SZT2: variants seen among roughly 807,000 people sequenced by gnomAD.
SZT2 encodes the protein KICSTOR complex protein SZT2.
Under a neutral mutation model 404.2 loss-of-function variants are expected in SZT2, and 216 were observed. The ratio of observed to expected loss-of-function variants is 0.53; its 90% confidence interval spans 0.48 to 0.60. SZT2 has a LOEUF of 0.60. Among genes scored for constraint, SZT2 ranks in the 20% least tolerant of loss-of-function variants. The pLI is 0.00. For missense variants in SZT2, 3,857 were observed against 4,459.2 expected, an observed-to-expected ratio of 0.86 and a Z score of 3.85; for synonymous variants, 1,693 against 1,749.9, an observed-to-expected ratio of 0.97 and a Z score of 0.81.
At position 43,424,524 on chromosome 1, in the gene SZT2, C is replaced by T. The variant is rs1394995256; in HGVS notation, c.2471+92C>T. 2 of 1,294,578 alleles carry T rather than the reference C, an allele frequency of 1.5e-6. No homozygotes were observed. The highest frequency in any genetic ancestry group is 2.2e-6 in the Non-Finnish European group (2 of 925,004). The allele number at this position is 1,294,578 out of a possible 1,614,324, so 80.2% of individuals were successfully genotyped here. On this transcript the variant is annotated intron_variant, in intron 16 of 71. Coordinates refer to ENST00000634258, the MANE Select transcript of SZT2 (RefSeq NM_001365999.1). This position sits in a 1 kb window ranked among gnomAD's most constrained non-coding sequence, Gnocchi z 4.1. The stretch of plus-strand genomic sequence containing the variant: ...CAAAAAGCCTATAGCACACACTTCT[C>T]CTCTCTAATTCCCAGTCTGAAGTAT...
At position 43,442,805 on chromosome 1, in the gene SZT2, G is replaced by A; in HGVS notation, c.8152-14G>A. On this transcript the variant is annotated splice_polypyrimidine_tract_variant and intron_variant, in intron 58 of 71. Transcript: ENST00000634258. The surrounding 1 kb of genome is among the most constrained non-coding windows in gnomAD (Gnocchi z 4.5). Reference sequence around the variant, plus strand: ...GCAAAGGCTATGAACCCATTGCAATGCTCCATCTCTCAGGAGCCAAACCCA... The same window carrying A: ...GCAAAGGCTATGAACCCATTGCAATACTCCATCTCTCAGGAGCCAAACCCA... 4 of 1,586,434 alleles carry A rather than the reference G, an allele frequency of 2.5e-6. No homozygotes were observed. Among genetic ancestry groups the A allele is most frequent in the Non-Finnish European group, 3.4e-6 (4 of 1,165,720 alleles).
chr1:43,445,977 G>C lies in SZT2; in HGVS notation c.8909G>C (p.Ser2970Thr), dbSNP rs1655616131. The change falls in exon 63 of 72, where the codon AGC becomes ACC. Residue 2970 changes from serine (S) to threonine (T), a missense_variant. Physicochemically the swap from Ser to Thr is moderately conservative, Grantham distance 58 (BLOSUM62 1). Around this residue, in one of 7 missense-constraint regions of SZT2, gnomAD observed 717 missense variants for 868.2 expected, o/e 0.83. Transcript: ENST00000634258. ...TGCCCTAAAACCAAGACTGATGGGAGCCCCAAGGTAACTTGTCATATAATG... is the reference window on the plus strand; with the variant it reads ...TGCCCTAAAACCAAGACTGATGGGACCCCCAAGGTAACTTGTCATATAATG... ...FSCPKTKTDG[S>T]PKSTSSPVTT... is the part of the protein sequence containing the mutation. 6.2e-7 allele frequency: 1 copy of C among 1,613,960 alleles called. No individual in the cohort carries two copies. Among genetic ancestry groups the C allele is most frequent in the East Asian group, 2.2e-5 (1 of 44,882 alleles).
chr1:43,432,627 G>T (rs749403870), intron 38 of SZT2, 23 bp downstream of exon 38: 2 of 1,613,708 alleles, frequency 1.2e-6, no homozygotes, highest in South Asian at 2.2e-5. Flanking sequence ...TTGGGCAGCA[G>T]TCTGGAGGCC....
chr1:43,429,522 T>G, intron 28 of SZT2, 181 bp from the exon 29 acceptor site: 1 of 639,026 alleles, frequency 1.6e-6, no homozygotes, highest in Non-Finnish European at 2.7e-6. Context: ...AAAAGAAATA[T>G]GGAGGTTAAA....
chr1:43,425,666 C>CTTGGATTGTGAGA lies in SZT2; in HGVS notation c.2814+24_2814+25insTTGGATTGTGAGA. 6.2e-7 allele frequency: 1 copy of CTTGGATTGTGAGA among 1,611,734 alleles called. No homozygotes were observed. The highest frequency in any genetic ancestry group is 1.1e-5 in the South Asian group (1 of 91,008). On this transcript the variant is annotated intron_variant, in intron 19 of 71. Transcript: ENST00000634258. This position sits in a 1 kb window ranked among gnomAD's most constrained non-coding sequence, Gnocchi z 4.3. ...CTGTGAGTGTCCTCAGAACAGTACC[C>CTTGGATTGTGAGA]GCACCTCTCTCACTGGATTGGGGTG...
At chr1:43,418,760 A>C (rs150377827) in intron 7 of SZT2, among the ~76,000 whole-genome samples, 11 of 152,328 alleles carry the variant, frequency 7.2e-5, no homozygotes, top group African/African-American at 2.4e-4. Flanking sequence ...AGCTGGGTCG[A>C]GAAAGGAGGG....
chr1:43,443,619 G>C lies in SZT2; in HGVS notation c.8648G>C (p.Gly2883Ala), dbSNP rs1309850152. ...TAGCGGCGCCATCGCCCTGAGTCAG[G>C]GTCTGGGAGCCGAGAGGCCCCCACA... ...DGQRRHRPES[G>A]SGSREAPTSC... The change falls in exon 62 of 72, where the codon GGG (glycine) becomes GCG (alanine). Residue 2883 changes from glycine to alanine, a missense_variant. Physicochemically the swap from Gly to Ala is moderately conservative, Grantham distance 60. Coordinates refer to ENST00000634258, the MANE Select transcript of SZT2 (RefSeq NM_001365999.1). 1.2e-6 allele frequency: 2 copies of C among 1,614,172 alleles called. No homozygotes were observed. The highest frequency in any genetic ancestry group is 1.7e-6 in the Non-Finnish European group (2 of 1,180,038).
At position 43,453,829 on chromosome 1, in the gene SZT2, T is replaced by C; in HGVS notation, c.*3349T>C. 2.5e-6 allele frequency: 3 copies of C among 1,209,652 alleles called. No individual in the cohort carries two copies. Among genetic ancestry groups the C allele is most frequent in the Non-Finnish European group, 3.1e-6 (3 of 975,574 alleles). The allele number at this position is 1,209,652 out of a possible 1,614,324, so 74.9% of individuals were successfully genotyped here. ...GCCGGGCCGGGCGGAGTCCGCGGGA[T>C]CCAAAGGCGGCGGGCGGCGGGCGGC... On this transcript the variant is annotated 3_prime_UTR_variant, in exon 72 of 72. Transcript: ENST00000634258.
chr1:43,438,937 G>A lies in SZT2; in HGVS notation c.6636G>A (p.Gln2212=). The change falls in exon 48 of 72, where the codon CAG becomes CAA. Residue 2212 remains glutamine (Q), a synonymous_variant. Coordinates refer to ENST00000634258, the MANE Select transcript of SZT2 (RefSeq NM_001365999.1). The part of the protein sequence containing the change: ...KLTPADVEFI[Q]PPGSLPSEVL... Reference sequence around the variant, plus strand: ...TTCTTCCCACTCTGCAGTTCATCCAGCCCCCTGGAAGTCTCCCCTCAGAGG... The same window carrying A: ...TTCTTCCCACTCTGCAGTTCATCCAACCCCCTGGAAGTCTCCCCTCAGAGG... The A allele has an allele frequency of 3.1e-6, 5 of 1,614,122 alleles. No homozygotes were observed. The highest frequency in any genetic ancestry group is 4.2e-6 in the Non-Finnish European group (5 of 1,180,018).
In SZT2 at chr1:43,447,977, C is replaced by T; in HGVS notation, c.9563+6C>T. 1.2e-6 allele frequency: 2 copies of T among 1,613,890 alleles called. No individual in the cohort carries two copies. The highest frequency in any genetic ancestry group is 1.7e-6 in the Non-Finnish European group (2 of 1,179,986). On this transcript the variant is annotated splice_donor_region_variant and intron_variant, in intron 68 of 71. Coordinates refer to ENST00000634258, the MANE Select transcript of SZT2 (RefSeq NM_001365999.1). ...GCTGAGCGGCACGTTCTGCGGTCAGCAGATCCCCTACCTTGAACATGCCCA... is the reference window on the plus strand; with the variant it reads ...GCTGAGCGGCACGTTCTGCGGTCAGTAGATCCCCTACCTTGAACATGCCCA...
intron 1 of SZT2, among the ~76,000 whole-genome samples, chr1:43,394,705 C>G (rs377247075): frequency 5.3e-4 from 81 of 152,000 alleles, no homozygotes; most frequent in African/African-American, 1.7e-3. Context: ...ATGGAGAAAC[C>G]TCGTCTCTAC....
At position 43,442,989 on chromosome 1, in the gene SZT2, C is replaced by T. The variant is rs1447817037; in HGVS notation, c.8322C>T (p.Ala2774=). 10 of 1,614,122 alleles carry T rather than the reference C, an allele frequency of 6.2e-6. No homozygotes were observed. Among genetic ancestry groups the T allele is most frequent in the South Asian group, 1.1e-5 (1 of 91,086 alleles). ...AGGCCCTAAGGGATATCACGGCTGC[C>T]CGCCCCAGCTCCGTACTTGGTCCTG... is the stretch of plus-strand genomic sequence containing the variant. The part of the protein sequence containing the change: ...FDEALRDITA[A]RPSSVLGPVP... The change falls in exon 59 of 72, where the codon GCC becomes GCT. Residue 2774 remains alanine (A), a synonymous_variant. Coordinates refer to ENST00000634258, the MANE Select transcript of SZT2 (RefSeq NM_001365999.1). The surrounding 1 kb of genome is among the most constrained non-coding windows in gnomAD (Gnocchi z 4.5).
In SZT2 at chr1:43,452,131, G is replaced by A; in HGVS notation, c.*1651G>A. ...ACCTAGGCTGGCAGCCTCACGTGCT[G>A]TCCCCACTGTGCACCCCCTTCTCCG... On this transcript the variant is annotated 3_prime_UTR_variant, in exon 72 of 72. Coordinates refer to ENST00000634258, the MANE Select transcript of SZT2 (RefSeq NM_001365999.1). 4 of 1,489,442 alleles carry A rather than the reference G, an allele frequency of 2.7e-6. No individual in the cohort carries two copies. Among genetic ancestry groups the A allele is most frequent in the Non-Finnish European group, 9.3e-7 (1 of 1,076,198 alleles). The allele number at this position is 1,489,442 out of a possible 1,614,324, so 92.3% of individuals were successfully genotyped here.
chr1:43,425,187 C>G lies in SZT2; in HGVS notation c.2625C>G (p.His875Gln), dbSNP rs757444401. 3.7e-6 allele frequency: 6 copies of G among 1,614,092 alleles called. No individual in the cohort carries two copies. The highest frequency in any genetic ancestry group is 5.1e-6 in the Non-Finnish European group (6 of 1,180,044). Residue 875 changes from histidine to glutamine, a missense_variant, in exon 18 of 72, where the codon CAC (histidine) becomes CAG (glutamine). Physicochemically the swap from His to Gln is conservative, Grantham distance 24. This residue lies in a region of SZT2 where 1,725 missense variants were observed against 1,881.0 expected (regional missense o/e 0.92). Coordinates refer to ENST00000634258, the MANE Select transcript of SZT2 (RefSeq NM_001365999.1). This position sits in a 1 kb window ranked among gnomAD's most constrained non-coding sequence, Gnocchi z 4.3. ...TCCAGTACATCCTCTTCCCCCCACA[C>G]TCTACCTCCACCAAAGACAGGTGAG... ...CVVQYILFPPHSTSTKDSFST... is the reference protein window; with the variant it reads ...CVVQYILFPPQSTSTKDSFST...
At chr1:43,407,827 C>CTTTT (rs1273177130) in intron 4 of SZT2, among the ~76,000 whole-genome samples, 8 of 94,460 alleles carry the variant, frequency 8.5e-5, no homozygotes, top group Non-Finnish European at 1.3e-4. Context: ...AAATTCTAAC[C>CTTTT]TTTTTTTTTT....
At chr1:43,392,825 C>T (rs556461817) in intron 1 of SZT2, among the ~76,000 whole-genome samples, 7 of 152,226 alleles carry the variant, frequency 4.6e-5, no homozygotes, top group African/African-American at 1.4e-4. Flanking sequence ...CTTTTAGAGG[C>T]TGTTAGGATC....
chr1:43,396,340 T>G (rs1270055237), intron 1 of SZT2, among the ~76,000 whole-genome samples: 2 of 152,240 alleles, frequency 1.3e-5, no homozygotes, highest in Non-Finnish European at 2.9e-5. Flanking sequence ...GACTCTCGTT[T>G]GGCAGAGGGT....
At position 43,443,429 on chromosome 1, in the gene SZT2, T is replaced by C. The variant is rs753471599; in HGVS notation, c.8577T>C (p.Ala2859=). 10 of 1,614,202 alleles carry C rather than the reference T, an allele frequency of 6.2e-6. No homozygotes were observed. Among genetic ancestry groups the C allele is most frequent in the Non-Finnish European group, 8.5e-6 (10 of 1,180,022 alleles). Residue 2859 remains alanine, a synonymous_variant, in exon 61 of 72, where the codon GCT becomes GCC. Transcript: ENST00000634258. The part of the protein sequence containing the change: ...YCATAMLFDP[A]AWLHGPPETS... ...CAACAGCCATGCTCTTCGACCCAGC[T>C]GCCTGGCTGCATGGGCCCCCAGAGA...
rs1655997782 is a variant in SZT2 at position 43,448,674 on chromosome 1, C to T, written c.10032C>T (p.Arg3344=). 6.2e-7 allele frequency: 1 copy of T among 1,614,216 alleles called. No individual in the cohort carries two copies. The highest frequency in any genetic ancestry group is 8.5e-7 in the Non-Finnish European group (1 of 1,180,038). The change falls in exon 70 of 72, where the codon CGC becomes CGT. Residue 3344 remains arginine (R), a synonymous_variant. Coordinates refer to ENST00000634258, the MANE Select transcript of SZT2 (RefSeq NM_001365999.1). This position sits in a 1 kb window ranked among gnomAD's most constrained non-coding sequence, Gnocchi z 4.2. The part of the protein sequence containing the change: ...YQSLIKVLLS[R]FPQSCRHFQS... ...GCCTGATCAAAGTTCTCCTAAGCCG[C>T]TTCCCCCAGAGCTGTCGCCATTTCC...
Sources: gnomAD v4.1 joint callset for allele counts (sites outside exome capture counted in the v4.1 genomes callset) on GRCh38, gnomAD v4.1.1 for gene constraint, gnomAD v4.1.1 regional missense constraint, Gnocchi (gnomAD v3.1) non-coding constraint, MANE v1.5 for transcripts, NCBI Gene and HGNC (gene_info 2026-07-23, HGNC 2026-07-21) for gene names.